Variants in COL15A1 observed in about 807,000 individuals in gnomAD.
COL15A1 encodes the protein collagen type XV alpha 1 chain.
A neutral mutation model predicts 165.9 loss-of-function variants in COL15A1; 111 were observed. That is an observed-to-expected ratio of 0.67 (90% CI 0.57 to 0.78). The LOEUF (loss-of-function observed/expected upper bound fraction) is 0.78, where lower values mean the gene tolerates loss of function less well. COL15A1 is among the 30% of genes least tolerant of loss of function. COL15A1 has a pLI of 0.00. For synonymous variants in COL15A1, 659 were observed against 674.8 expected (o/e 0.98, Z 0.36); for missense variants, 1,745 against 1,789.7 (o/e 0.98, Z 0.45).
intron 2 of COL15A1, among the ~76,000 whole-genome samples, chr9:98,962,228 G>T (rs907913962): frequency 5.3e-5 from 8 of 152,204 alleles, no homozygotes; most frequent in Non-Finnish European, 1.2e-4. Context: ...AATGCGGTTT[G>T]GGGAGGAATA....
chr9:99,056,840 AAC>A (rs779947070), intron 35 of COL15A1, among the ~76,000 whole-genome samples: 9 of 152,234 alleles, frequency 5.9e-5, no homozygotes, highest in Non-Finnish European at 8.8e-5. Flanking sequence ...TCTTTCACTT[AAC>A]ACAGTGTTTT....
intron 21 of COL15A1, among the ~76,000 whole-genome samples, chr9:99,036,628 A>T (rs889859704): frequency 6.6e-6 from 1 of 152,198 alleles, no homozygotes; most frequent in Non-Finnish European, 1.5e-5. Context: ...GGGTCAATTG[A>T]AAAAACAGGC....
intron 2 of COL15A1, among the ~76,000 whole-genome samples, chr9:98,964,561 C>A (rs1315523893): frequency 6.6e-6 from 1 of 152,178 alleles, no homozygotes; most frequent in East Asian, 1.9e-4. Flanking sequence ...CTGGTTATTT[C>A]TTTTCCCCTA....
Position 99,062,101 on chromosome 9 carries a change from T to C in COL15A1, c.3531+2T>C. The C allele has an allele frequency of 6.2e-7, 1 of 1,613,946 alleles. No homozygotes were observed. The highest frequency in any genetic ancestry group is 1.1e-5 in the South Asian group (1 of 90,990). On this transcript the variant is annotated splice_donor_variant, in intron 37 of 41. Coordinates refer to ENST00000375001, the MANE Select transcript of COL15A1 (RefSeq NM_001855.5). LOFTEE classifies it high-confidence loss of function. ...AGAGATGGCTGGAAAAAATTACAGG[T>C]AATTTCTAAACTTCCTTTAACACAC...
chr9:99,051,432 A>G (rs1477325056), intron 30 of COL15A1, among the ~76,000 whole-genome samples: 2 of 152,070 alleles, frequency 1.3e-5, no homozygotes, highest in East Asian at 1.9e-4. Flanking sequence ...TTCTTGTCCA[A>G]CTCTCAAAAT....
chr9:99,069,446 T>G (rs1261789651), intron 41 of COL15A1, among the ~76,000 whole-genome samples: 3 of 152,040 alleles, frequency 2.0e-5, no homozygotes, highest in African/African-American at 7.2e-5. Context: ...GAGCAAAGGT[T>G]TAGATTCACA....
rs115226507 is a variant in COL15A1 at position 98,977,671 on chromosome 9, C to T, written c.101-7894C>T. Among the ~76,000 whole-genome samples, 984 of 144,460 alleles carry T rather than the reference C, an allele frequency of 6.8e-3. 10 individuals carry two copies. The highest frequency in any genetic ancestry group is 0.024 in the African/African-American group (940 of 39,164). 94.8% of individuals were successfully genotyped at this position (144,460 alleles called of 152,430 possible). On this transcript the variant is annotated intron_variant, in intron 2 of 41. Transcript: ENST00000375001. ...GCGGACTCTGTGGAAACAAGGCCTG[C>T]GGGCCAGCGCCTATCCATGTGTCCT...
intron 36 of COL15A1, among the ~76,000 whole-genome samples, chr9:99,061,351 A>G (rs1006854837): frequency 6.6e-6 from 1 of 152,244 alleles, no homozygotes; most frequent in Non-Finnish European, 1.5e-5. Flanking sequence ...ATGCTATTCA[A>G]TAGATTTTTG....
chr9:99,038,583 T>C, intron 21 of COL15A1, 85 bp from the exon 22 acceptor site: 1 of 843,146 alleles, frequency 1.2e-6, no homozygotes, highest in African/African-American at 1.7e-5. Context: ...CTATGCTGGG[T>C]GACTTTAATT....
At chr9:98,964,249 G>T (rs1483834201) in intron 2 of COL15A1, among the ~76,000 whole-genome samples, 6 of 151,602 alleles carry the variant, frequency 4.0e-5, no homozygotes, top group African/African-American at 1.5e-4. Flanking sequence ...TGTCCACTGG[G>T]TTTTCATCTT....
At chr9:99,001,509 T>C (rs1301976727) in intron 7 of COL15A1, among the ~76,000 whole-genome samples, 1 of 152,222 alleles carries the variant, frequency 6.6e-6, no homozygotes, top group East Asian at 1.9e-4. Context: ...TCTCAGTCAC[T>C]ATCTGGTAAC....
intron 18 of COL15A1, 49 bp from the exon 19 acceptor site, chr9:99,035,301 A>G (rs1192035463): frequency 6.2e-7 from 1 of 1,610,442 alleles, no homozygotes; most frequent in Non-Finnish European, 8.5e-7. Context: ...TGGCACAAGT[A>G]GGTGCCCAGG....
chr9:99,040,258 C>G (rs1839378122), intron 22 of COL15A1, among the ~76,000 whole-genome samples: 1 of 152,202 alleles, frequency 6.6e-6, no homozygotes, highest in Non-Finnish European at 1.5e-5. Flanking sequence ...GCATCCCTGT[C>G]CTCACAGTCC....
chr9:98,978,684 A>C (rs1230097168), intron 2 of COL15A1, among the ~76,000 whole-genome samples: 1 of 152,254 alleles, frequency 6.6e-6, no homozygotes, highest in East Asian at 1.9e-4. Flanking sequence ...GAGTGAGGAA[A>C]AGCAAGAAGA....
chr9:98,968,199 G>A (rs1218667383), intron 2 of COL15A1, among the ~76,000 whole-genome samples: 6 of 152,220 alleles, frequency 3.9e-5, no homozygotes, highest in African/African-American at 1.2e-4. Flanking sequence ...AGTATTGGAT[G>A]ACCCAGTCCA....
chr9:99,054,602 G>T lies in COL15A1; in HGVS notation c.2977G>T (p.Gly993Cys), dbSNP rs1429598599. 1 of 1,613,092 alleles carries T rather than the reference G, an allele frequency of 6.2e-7. No homozygotes were observed. The highest frequency in any genetic ancestry group is 8.5e-7 in the Non-Finnish European group (1 of 1,179,622). The change falls in exon 32 of 42, where the codon GGT becomes TGT. Residue 993 changes from glycine (G) to cysteine (C), a missense_variant. By Grantham distance (159) the Gly-to-Cys change is radical (BLOSUM62 -3). Transcript: ENST00000375001. ...TGTTAAAGGAGAGAAAGGATCCTGG[G>T]GTCTTCCTGGCTCAAAGGGAGAAAA... ...HGVKGEKGSW[G>C]LPGSKGEKGD...
intron 2 of COL15A1, among the ~76,000 whole-genome samples, chr9:98,970,466 A>G (rs2118835304): frequency 6.6e-6 from 1 of 152,352 alleles, no homozygotes; most frequent in South Asian, 2.1e-4. Context: ...GAGCTCTCTG[A>G]GCCCTTAAGG....
At chr9:99,028,351 G>T (rs1346407213) in intron 16 of COL15A1, among the ~76,000 whole-genome samples, 5 of 152,014 alleles carry the variant, frequency 3.3e-5, no homozygotes, top group Admixed American at 1.3e-4. Context: ...AGGACCCAAA[G>T]GCATAAGAAT....
At chr9:99,025,850 G>T in intron 15 of COL15A1, 54 bp from the exon 16 acceptor site, 1 of 1,573,960 alleles carries the variant, frequency 6.4e-7, no homozygotes, top group South Asian at 1.2e-5. Context: ...GCAAGCGTGT[G>T]TATGTGATAT....
Sources: gnomAD v4.1 joint callset for allele counts (sites outside exome capture counted in the v4.1 genomes callset) on GRCh38, gnomAD v4.1.1 for gene constraint, MANE v1.5 for transcripts, NCBI Gene and HGNC (gene_info 2026-07-23, HGNC 2026-07-21) for gene names.